Variants in MIPOL1 observed in about 807,000 individuals in gnomAD.
MIPOL1 encodes the protein mirror-image polydactyly gene 1 protein.
A neutral mutation model predicts 60.9 loss-of-function variants in MIPOL1; 57 were observed. That is an observed-to-expected ratio of 0.94 (90% CI 0.76 to 1.17). MIPOL1 has a LOEUF of 1.17. Ranked by LOEUF, MIPOL1 falls within the 50% of genes most tolerant of loss-of-function variation. MIPOL1 has a pLI of 0.00. For synonymous variants in MIPOL1, 179 were observed against 168.8 expected, an observed-to-expected ratio of 1.06 and a Z score of -0.47; for missense variants, 551 against 511.6, an observed-to-expected ratio of 1.08 and a Z score of -0.74.
intron 7 of MIPOL1, among the ~76,000 whole-genome samples, chr14:37,302,272 T>G (rs1417749208): frequency 1.3e-5 from 2 of 148,622 alleles, no homozygotes; most frequent in African/African-American, 2.5e-5. Flanking sequence ...GTTTTTTTTT[T>G]TTTTTTTTTT....
intron 11 of MIPOL1, among the ~76,000 whole-genome samples, chr14:37,470,246 T>C (rs920018625): frequency 2.6e-5 from 4 of 152,108 alleles, no homozygotes; most frequent in African/African-American, 9.7e-5. Context: ...AGGATAGAAA[T>C]CTGAGCTGGA....
intron 6 of MIPOL1, among the ~76,000 whole-genome samples, chr14:37,282,256 T>G (rs1023328971): frequency 3.3e-5 from 5 of 149,862 alleles, no homozygotes; most frequent in Non-Finnish European, 5.9e-5. Context: ...ATTATTATTA[T>G]TATTATTATT....
intron 1 of MIPOL1, among the ~76,000 whole-genome samples, chr14:37,233,230 A>T (rs1039959765): frequency 1.3e-5 from 2 of 152,172 alleles, no homozygotes; most frequent in African/African-American, 4.8e-5. Flanking sequence ...TGTAATACAG[A>T]CACTACAAAG....
intron 12 of MIPOL1, chr14:37,506,658 A>G (rs1168802146): frequency 6.6e-6 from 1 of 152,228 alleles, no homozygotes; most frequent in Non-Finnish European, 1.5e-5. Context: ...AAGAAAACCT[A>G]GGCAATACCA....
chr14:37,292,334 T>C (rs1224638743), intron 7 of MIPOL1, among the ~76,000 whole-genome samples: 1 of 152,122 alleles, frequency 6.6e-6, no homozygotes, highest in Admixed American at 6.6e-5. Context: ...CTTTTGCATG[T>C]TTTGTGTTGT....
intron 1 of MIPOL1, among the ~76,000 whole-genome samples, chr14:37,242,620 G>T (rs1236820922): frequency 6.6e-6 from 1 of 152,036 alleles, no homozygotes; most frequent in Non-Finnish European, 1.5e-5. Context: ...GTTAGTTCTA[G>T]TTTCTTGCTA....
In MIPOL1 at chr14:37,284,394, A is replaced by G. The variant is rs531393977; in HGVS notation, c.494-924A>G. Among the ~76,000 whole-genome samples the G allele has an allele frequency of 6.7e-4, 102 of 152,066 alleles. No homozygotes were observed. The Middle Eastern group carries it at 0.027, about 41-fold the overall frequency. On this transcript the variant is annotated intron_variant, in intron 6 of 12. Transcript: ENST00000684589. ...AGTCTCACACTGTTGCCCAGGCTGG[A>G]GTGCAGTGGTACAATCTTTGTTCAT...
In MIPOL1 at chr14:37,303,310, A is replaced by G. The variant is rs558491321; in HGVS notation, c.624-4746A>G. ...TTTACACAGGCAACTCAAACTTAGC[A>G]TATCCAAAATGAAACTTATTAATTC... On this transcript the variant is annotated intron_variant, in intron 7 of 12. Transcript: ENST00000684589. Among the ~76,000 whole-genome samples the G allele has an allele frequency of 5.3e-5, 8 of 151,878 alleles. No individual in the cohort carries two copies. In the South Asian group the frequency reaches 8.3e-4, roughly 16 times the overall value.
At chr14:37,342,789 TACTA>T (rs1442633006) in intron 9 of MIPOL1, among the ~76,000 whole-genome samples, 2 of 152,262 alleles carry the variant, frequency 1.3e-5, no homozygotes, top group Non-Finnish European at 1.5e-5. Flanking sequence ...TAGCACAGCT[TACTA>T]AATAAATAGC....
intron 11 of MIPOL1, among the ~76,000 whole-genome samples, chr14:37,434,117 C>T (rs1018503203): frequency 6.6e-6 from 1 of 152,134 alleles, no homozygotes; most frequent in Admixed American, 6.6e-5. Flanking sequence ...CACTGTTTTC[C>T]AAAATGGTTG....
chr14:37,427,455 A>T (rs1210104774), intron 11 of MIPOL1, among the ~76,000 whole-genome samples: 1 of 152,170 alleles, frequency 6.6e-6, no homozygotes, highest in Non-Finnish European at 1.5e-5. Flanking sequence ...TATGATTTAC[A>T]TAGAGTGGGA....
intron 10 of MIPOL1, among the ~76,000 whole-genome samples, chr14:37,375,081 T>C (rs1448739436): frequency 3.9e-5 from 6 of 152,208 alleles, no homozygotes; most frequent in Admixed American, 3.9e-4. Context: ...GTAGTTCTCC[T>C]TGAAGAGGTC....
chr14:37,334,407 TCAAGACTGTAG>T (rs1402471106), intron 9 of MIPOL1, among the ~76,000 whole-genome samples: 2 of 152,020 alleles, frequency 1.3e-5, no homozygotes, highest in African/African-American at 4.8e-5. Context: ...TAAGGGACAG[TCAAGACTGTAG>T]CTTATCCATA....
chr14:37,234,351 CTTTTCTTTTCTTTTT>C lies in MIPOL1; in HGVS notation c.-198-12747_-198-12733del, dbSNP rs1971091868. ...GTCTGGTCCCTTCTTTTTTTCTTTT[CTTTTCTTTTCTTTTT>C]TTTTTTTTCAGGTGGGATCTTGCTG... On this transcript the variant is annotated intron_variant, in intron 1 of 12. Transcript: ENST00000684589. Among the ~76,000 whole-genome samples, 3 of 138,456 alleles carry C rather than the reference CTTTTCTTTTCTTTTT, an allele frequency of 2.2e-5. No individual in the cohort carries two copies. In the South Asian group the frequency reaches 6.6e-4, roughly 30 times the overall value. 90.8% of individuals were successfully genotyped at this position (138,456 alleles called of 152,430 possible). A position where few individuals can be genotyped will look rare whatever the true frequency, so the allele number is the denominator to read the frequency against.
chr14:37,407,409 G>A (rs1473950501), intron 10 of MIPOL1, among the ~76,000 whole-genome samples: 2 of 152,090 alleles, frequency 1.3e-5, no homozygotes, highest in African/African-American at 4.8e-5. Context: ...GATTCACATT[G>A]TCAAAGGCAG....
chr14:37,542,186 A>C (rs1370313603), intron 12 of MIPOL1, among the ~76,000 whole-genome samples: 1 of 152,220 alleles, frequency 6.6e-6, no homozygotes, highest in Non-Finnish European at 1.5e-5. Context: ...CTTAACTCTG[A>C]TGATCACTCA....
intron 1 of MIPOL1, among the ~76,000 whole-genome samples, chr14:37,199,682 G>A (rs1342679938): frequency 2.0e-5 from 3 of 151,870 alleles, no homozygotes; most frequent in Non-Finnish European, 2.9e-5. Flanking sequence ...CTACCACCAC[G>A]CCTGGCTAAG....
chr14:37,480,002 C>G (rs1442190675), intron 11 of MIPOL1, among the ~76,000 whole-genome samples: 2 of 151,964 alleles, frequency 1.3e-5, no homozygotes, highest in African/African-American at 2.4e-5. Flanking sequence ...AGTAGAAAAT[C>G]TAAACAGACC....
At position 37,308,366 on chromosome 14, in the gene MIPOL1, G is replaced by A. The variant is rs1285028640; in HGVS notation, c.675G>A (p.Leu225=). ...EENDMTLQEL[L]NRINNADTGI... is the part of the protein sequence containing the mutation. ...GTTGGTAGACATTACAGGAATTACT[G>A]AACAGAATAAACAATGCAGACACAG... Residue 225 remains leucine, a synonymous_variant, in exon 9 of 13, where the codon CTG becomes CTA. Transcript: ENST00000684589. 6.4e-7 allele frequency: 1 copy of A among 1,563,908 alleles called. No individual in the cohort carries two copies.
Sources: allele counts gnomAD v4.1 joint callset (sites outside exome capture counted in the v4.1 genomes callset), GRCh38; gene constraint gnomAD v4.1.1; transcripts MANE v1.5; gene names NCBI Gene and HGNC (gene_info 2026-07-23, HGNC 2026-07-21).